Variants in COL24A1 observed in about 807,000 individuals in gnomAD.
The protein encoded by COL24A1 is collagen alpha-1(XXIV) chain.
COL24A1 carries 224 observed loss-of-function variants against 253.9 expected under a neutral mutation model. The ratio of observed to expected loss-of-function variants is 0.88; its 90% CI spans 0.79 to 0.99. COL24A1 has a LOEUF of 0.99. COL24A1 is among the 50% of genes least tolerant of loss of function. The probability of loss-of-function intolerance (pLI) is 0.00; values close to 1 mark genes in which losing one functional copy is unlikely to be tolerated. For synonymous variants in COL24A1, 685 were observed against 673.7 expected (o/e 1.02, Z -0.26); for missense variants, 2,131 against 2,068.5 (o/e 1.03, Z -0.59).
chr1:85,784,398 C>T, intron 48 of COL24A1, 32 bp from the exon 49 acceptor site: 1 of 1,483,880 alleles, frequency 6.7e-7, no homozygotes, highest in Non-Finnish European at 9.4e-7. Flanking sequence ...GCGATCTTTA[C>T]ATCAGAACAT....
chr1:85,815,534 T>G (rs1672972058), intron 47 of COL24A1, among the ~76,000 whole-genome samples: 1 of 152,224 alleles, frequency 6.6e-6, no homozygotes, highest in South Asian at 2.1e-4. Context: ...TTAACAGCCT[T>G]CATATTTTCA....
At chr1:86,143,911 T>A (rs1406789644) in intron 2 of COL24A1, among the ~76,000 whole-genome samples, 1 of 152,128 alleles carries the variant, frequency 6.6e-6, no homozygotes, top group African/African-American at 2.4e-5. Flanking sequence ...AGTATTAATA[T>A]AAATAATATC....
intron 24 of COL24A1, among the ~76,000 whole-genome samples, chr1:85,921,186 G>T (rs536936869): frequency 5.7e-4 from 87 of 152,184 alleles, no homozygotes; most frequent in Admixed American, 3.5e-3. Flanking sequence ...CTAGCCAAGG[G>T]AAGCCATGAC....
intron 5 of COL24A1, among the ~76,000 whole-genome samples, chr1:86,097,476 CCCTCCTCCTCCT>C (rs1216800374): frequency 2.0e-5 from 1 of 48,916 alleles, no homozygotes; most frequent in Non-Finnish European, 4.6e-5. Flanking sequence ...TCCTCCTCCT[CCCTCCTCCTCCT>C]CCCTCCTCCT....
intron 5 of COL24A1, among the ~76,000 whole-genome samples, chr1:86,097,800 T>C (rs1184548520): frequency 6.6e-6 from 1 of 151,908 alleles, no homozygotes; most frequent in African/African-American, 2.4e-5. Flanking sequence ...ATCTTTAAAT[T>C]CCACATATAC....
At chr1:85,840,861 A>C (rs1470335868) in intron 42 of COL24A1, among the ~76,000 whole-genome samples, 1 of 152,074 alleles carries the variant, frequency 6.6e-6, no homozygotes, top group Non-Finnish European at 1.5e-5. Context: ...GATTTTTTTA[A>C]TATTTAGAAA....
intron 22 of COL24A1, among the ~76,000 whole-genome samples, chr1:85,969,030 T>C (rs1387957667): frequency 6.6e-6 from 1 of 152,142 alleles, no homozygotes; most frequent in African/African-American, 2.4e-5. Flanking sequence ...CAATACTAGG[T>C]CCCAAATTGA....
At chr1:86,131,764 T>A (rs1397923958) in intron 2 of COL24A1, among the ~76,000 whole-genome samples, 3 of 152,170 alleles carry the variant, frequency 2.0e-5, no homozygotes, top group African/African-American at 7.2e-5. Context: ...TCTATCATTG[T>A]TGAACATTTG....
chr1:85,817,256 T>C (rs976920486), intron 46 of COL24A1, among the ~76,000 whole-genome samples: 3 of 152,180 alleles, frequency 2.0e-5, no homozygotes, highest in African/African-American at 7.2e-5. Flanking sequence ...GGTTATCATT[T>C]CCCATCTGCC....
chr1:85,881,496 G>C (rs1041104032), intron 32 of COL24A1, among the ~76,000 whole-genome samples: 1 of 151,830 alleles, frequency 6.6e-6, no homozygotes, highest in African/African-American at 2.4e-5. Flanking sequence ...GTGGTGGTAC[G>C]CACCTGTAAT....
At chr1:86,126,670 G>T (rs1350765565) in intron 2 of COL24A1, among the ~76,000 whole-genome samples, 1 of 151,866 alleles carries the variant, frequency 6.6e-6, no homozygotes, top group East Asian at 1.9e-4. Flanking sequence ...ACAGAGTCTT[G>T]CTCTATTGCC....
chr1:85,774,410 G>A (rs773723538), intron 53 of COL24A1, among the ~76,000 whole-genome samples: 18 of 152,042 alleles, frequency 1.2e-4, no homozygotes, highest in South Asian at 8.3e-4. Context: ...GGATTTCTTC[G>A]TTTTCTATTG....
chr1:85,744,155 T>C (rs536378950), intron 57 of COL24A1, among the ~76,000 whole-genome samples: 92 of 152,226 alleles, frequency 6.0e-4, no homozygotes, highest in African/African-American at 2.1e-3. Context: ...AATTCATTTT[T>C]GCACCTCTGG....
At chr1:85,872,703 A>C (rs1424836935) in intron 35 of COL24A1, among the ~76,000 whole-genome samples, 1 of 152,224 alleles carries the variant, frequency 6.6e-6, no homozygotes, top group Non-Finnish European at 1.5e-5. Flanking sequence ...TGGATTAAAG[A>C]CTTAAATGTT....
At chr1:86,014,116 T>C (rs1696785405) in intron 19 of COL24A1, among the ~76,000 whole-genome samples, 1 of 152,220 alleles carries the variant, frequency 6.6e-6, no homozygotes, top group South Asian at 2.1e-4. Flanking sequence ...CCTTCCTTGC[T>C]TTCAAGAGAA....
intron 42 of COL24A1, among the ~76,000 whole-genome samples, chr1:85,840,340 A>G (rs977756881): frequency 4.6e-5 from 7 of 152,144 alleles, no homozygotes; most frequent in Non-Finnish European, 8.8e-5. Context: ...AGAAACTTAC[A>G]TATTCCTTTA....
At chr1:86,094,249 T>C (rs140606712) in intron 5 of COL24A1, among the ~76,000 whole-genome samples, 20 of 152,196 alleles carry the variant, frequency 1.3e-4, no homozygotes, top group African/African-American at 4.6e-4. Context: ...TATATGCCCA[T>C]CAATGATAGA....
At chr1:86,003,365 A>G (rs1041066035) in intron 19 of COL24A1, among the ~76,000 whole-genome samples, 26 of 152,176 alleles carry the variant, frequency 1.7e-4, no homozygotes, top group African/African-American at 6.3e-4. Flanking sequence ...ATTGAACCCA[A>G]GTGGGACCGG....
chr1:86,058,859 T>C (rs1192222306), intron 9 of COL24A1, among the ~76,000 whole-genome samples: 1 of 152,148 alleles, frequency 6.6e-6, no homozygotes, highest in African/African-American at 2.4e-5. Flanking sequence ...TTTAAGAACT[T>C]ATTAACACTT....
Sources: gnomAD v4.1 joint callset for allele counts (sites outside exome capture counted in the v4.1 genomes callset) on GRCh38, gnomAD v4.1.1 for gene constraint, MANE v1.5 for transcripts, NCBI Gene and HGNC (gene_info 2026-07-23, HGNC 2026-07-21) for gene names.